Variants in DLG2 observed in about 807,000 individuals in gnomAD.
The protein encoded by DLG2 is discs large MAGUK scaffold protein 2.
A neutral mutation model predicts 132.5 loss-of-function variants in DLG2; 45 were observed. The ratio of observed to expected loss-of-function variants is 0.34; its 90% CI spans 0.27 to 0.44. The LOEUF is 0.44. Among genes scored for constraint, DLG2 ranks in the 20% least tolerant of loss-of-function variants. The pLI is 1.00. For missense variants in DLG2, 1,045 were observed against 1,196.9 expected (o/e 0.87, Z 1.87); for synonymous variants, 424 against 419.6 (o/e 1.01, Z -0.13).
intron 7 of DLG2, among the ~76,000 whole-genome samples, chr11:84,441,625 A>T (rs1567643444): frequency 6.6e-6 from 1 of 152,104 alleles, no homozygotes; most frequent in Non-Finnish European, 1.5e-5. Context: ...TCTACATAAC[A>T]TATTCTCATT....
Position 84,798,102 on chromosome 11 carries a change from G to T in DLG2, c.358-263371C>A, listed in dbSNP as rs182553762. 1.4e-3 allele frequency among the ~76,000 whole-genome samples: 210 copies of T among 152,236 alleles called. 1 individual carries two copies. Among genetic ancestry groups the T allele is most frequent in the Middle Eastern group, 3.4e-3 (1 of 294 alleles). On this transcript the variant is annotated intron_variant, in intron 6 of 27. Coordinates refer to ENST00000376104, the MANE Select transcript of DLG2 (RefSeq NM_001142699.3). ...AGCACCACTATAGCCATGACGACTG[G>T]AACTGCCCTGGGTCAGATCTGAAGA...
chr11:85,080,659 G>T (rs1321882379), intron 6 of DLG2, among the ~76,000 whole-genome samples: 1 of 152,094 alleles, frequency 6.6e-6, no homozygotes, highest in African/African-American at 2.4e-5. Context: ...CTCCTTTCTA[G>T]ATGAGGTAGG....
At chr11:84,154,810 C>T (rs1237126776) in intron 9 of DLG2, among the ~76,000 whole-genome samples, 2 of 152,084 alleles carry the variant, frequency 1.3e-5, no homozygotes, top group Non-Finnish European at 2.9e-5. Context: ...CACCCATGCC[C>T]CTACAAAGGA....
intron 3 of DLG2, among the ~76,000 whole-genome samples, chr11:85,559,202 A>G (rs887280772): frequency 6.7e-6 from 1 of 148,608 alleles, no homozygotes; most frequent in African/African-American, 2.5e-5. Flanking sequence ...CCCAGGCTGG[A>G]GTGCAATGGC....
At chr11:84,944,635 C>T (rs1242616860) in intron 6 of DLG2, among the ~76,000 whole-genome samples, 3 of 142,116 alleles carry the variant, frequency 2.1e-5, no homozygotes, top group East Asian at 2.1e-4. Context: ...GACAGAGTCT[C>T]ACTCTGTTGT....
At chr11:84,397,967 A>C (rs138632534) in intron 7 of DLG2, among the ~76,000 whole-genome samples, 25 of 152,330 alleles carry the variant, frequency 1.6e-4, no homozygotes, top group East Asian at 1.2e-3. Flanking sequence ...TTTTGATGCA[A>C]AAATCAATTA....
At chr11:83,929,586 T>C (rs1415405244) in intron 15 of DLG2, among the ~76,000 whole-genome samples, 1 of 152,226 alleles carries the variant, frequency 6.6e-6, no homozygotes, top group Non-Finnish European at 1.5e-5. Context: ...TACAAAGTTG[T>C]TGAAAGACTC....
chr11:85,283,656 C>T (rs543395765), intron 4 of DLG2, among the ~76,000 whole-genome samples: 134 of 151,786 alleles, frequency 8.8e-4, no homozygotes, highest in Admixed American at 2.6e-3. Context: ...ATAGTGAACA[C>T]GTAACTGCAA....
At chr11:85,586,564 G>A (rs570879531) in intron 3 of DLG2, among the ~76,000 whole-genome samples, 6 of 152,144 alleles carry the variant, frequency 3.9e-5, no homozygotes, top group Admixed American at 1.3e-4. Context: ...CTCCCATTTC[G>A]TTTCTAATTG....
At chr11:85,047,976 T>A (rs1301287071) in intron 6 of DLG2, among the ~76,000 whole-genome samples, 1 of 151,898 alleles carries the variant, frequency 6.6e-6, no homozygotes, top group Non-Finnish European at 1.5e-5. Context: ...GCCTGAGAGA[T>A]CCCTTTTCTA....
At chr11:84,201,109 A>C (rs1240890988) in intron 8 of DLG2, among the ~76,000 whole-genome samples, 1 of 152,070 alleles carries the variant, frequency 6.6e-6, no homozygotes, top group Non-Finnish European at 1.5e-5. Context: ...TATTATTTTG[A>C]GGTATGTTCC....
intron 7 of DLG2, among the ~76,000 whole-genome samples, chr11:84,462,198 A>C (rs2154485911): frequency 6.6e-6 from 1 of 151,082 alleles, no homozygotes; most frequent in African/African-American, 2.4e-5. Flanking sequence ...CAAAGAGGAA[A>C]AGGTCCCATT....
intron 9 of DLG2, among the ~76,000 whole-genome samples, chr11:84,102,355 G>T (rs1280967492): frequency 1.3e-5 from 2 of 152,064 alleles, no homozygotes; most frequent in Non-Finnish European, 2.9e-5. Context: ...AATACTTGAT[G>T]AATGAAGTAA....
intron 17 of DLG2, among the ~76,000 whole-genome samples, chr11:83,829,956 C>T (rs1247567466): frequency 6.6e-6 from 1 of 152,076 alleles, no homozygotes; most frequent in Non-Finnish European, 1.5e-5. Context: ...TCCAAGTGTT[C>T]TCATTGTTCA....
intron 3 of DLG2, among the ~76,000 whole-genome samples, chr11:85,380,185 C>G (rs1384028656): frequency 1.3e-5 from 2 of 152,158 alleles, no homozygotes; most frequent in Non-Finnish European, 1.5e-5. Flanking sequence ...AGACATGATC[C>G]TTTGTGAAAA....
At position 84,620,635 on chromosome 11, in the gene DLG2, T is replaced by C. The variant is rs147387646; in HGVS notation, c.358-85904A>G. Among the ~76,000 whole-genome samples, 30 of 152,194 alleles carry C rather than the reference T, an allele frequency of 2.0e-4. No homozygotes were observed. The East Asian group carries it at 5.6e-3, about 28-fold the overall frequency. On this transcript the variant is annotated intron_variant, in intron 6 of 27. Transcript: ENST00000376104. ...AATAAAGATATTTTTAAAACCTCAA[T>C]AGTATTCCTCATTCTGAAAATATAA... is the stretch of plus-strand genomic sequence containing the variant.
chr11:84,174,014 C>CTTTTTTTTTTGTTTT (rs2095882198), intron 8 of DLG2, among the ~76,000 whole-genome samples: 1 of 61,218 alleles, frequency 1.6e-5, no homozygotes, highest in Non-Finnish European at 2.9e-5. Flanking sequence ...ACCCCCCGGC[C>CTTTTTTTTTTGTTTT]TTTTTTTTTT....
At chr11:83,565,622 C>T (rs978692621) in intron 19 of DLG2, among the ~76,000 whole-genome samples, 41 of 152,156 alleles carry the variant, frequency 2.7e-4, no homozygotes, top group Admixed American at 2.6e-3. Context: ...GGATTAATCA[C>T]TGTTGAATTG....
chr11:84,615,801 T>A, intron 6 of DLG2, among the ~76,000 whole-genome samples: 1 of 89,242 alleles, frequency 1.1e-5, no homozygotes. Flanking sequence ...TCAGAGAAAA[T>A]TTCAGGACAA....
Sources: gnomAD v4.1 joint callset for allele counts (sites outside exome capture counted in the v4.1 genomes callset) on GRCh38, gnomAD v4.1.1 for gene constraint, MANE v1.5 for transcripts, NCBI Gene and HGNC (gene_info 2026-07-23, HGNC 2026-07-21) for gene names.